Variants in STK33 observed in about 807,000 individuals in gnomAD.
The protein encoded by STK33 is serine/threonine kinase 33, also known as serine/threonine-protein kinase 33.
In STK33, 52 loss-of-function variants were observed where a neutral mutation model predicts 58.0. That is an observed-to-expected ratio of 0.90 (90% CI 0.72 to 1.13). STK33 has a LOEUF of 1.13. Ranked by LOEUF, STK33 falls within the 50% of genes most tolerant of loss-of-function variation. The pLI is 0.00. For missense variants in STK33, 630 were observed against 604.2 expected (o/e 1.04, Z -0.45); for synonymous variants, 215 against 200.1 (o/e 1.07, Z -0.63).
At chr11:8,452,613 A>C (rs549233916) in intron 11 of STK33, among the ~76,000 whole-genome samples, 4 of 151,922 alleles carry the variant, frequency 2.6e-5, no homozygotes, top group Admixed American at 2.6e-4. Flanking sequence ...TGAGACTGCT[A>C]TCTCTTAAAA....
At chr11:8,536,632 C>A (rs1402387184) in intron 1 of STK33, among the ~76,000 whole-genome samples, 1 of 152,200 alleles carries the variant, frequency 6.6e-6, no homozygotes. Flanking sequence ...AGAATTTAGT[C>A]AAGTCTGAAC....
At chr11:8,418,438 G>T (rs1221394750) in intron 14 of STK33, among the ~76,000 whole-genome samples, 2 of 152,148 alleles carry the variant, frequency 1.3e-5, no homozygotes, top group Non-Finnish European at 2.9e-5. Flanking sequence ...TTTTATGGCT[G>T]CATAGAATTC....
intron 1 of STK33, among the ~76,000 whole-genome samples, chr11:8,482,931 C>T (rs561877329): frequency 3.9e-5 from 6 of 151,974 alleles, no homozygotes; most frequent in African/African-American, 1.2e-4. Context: ...GGGGATTTCA[C>T]CATGTTAGCC....
At chr11:8,335,167 C>T in the STK33 span, among the ~76,000 whole-genome samples, 66 of 152,270 alleles carry the variant, frequency 4.3e-4, no homozygotes, top group Middle Eastern at 3.4e-3. Context: ...AGAAGTGCCT[C>T]GGGCTGAGGG....
At chr11:8,541,965 A>C (rs1955553889) in intron 1 of STK33, among the ~76,000 whole-genome samples, 1 of 152,224 alleles carries the variant, frequency 6.6e-6, no homozygotes, top group Admixed American at 6.5e-5. Context: ...GCAGCAGAGA[A>C]GCAAAGAGAA....
chr11:8,531,209 C>T (rs7107043), intron 1 of STK33, among the ~76,000 whole-genome samples: 152,314 of 152,316 alleles, frequency 1, 76,156 homozygotes, highest in Non-Finnish European at 1. Flanking sequence ...CCCCCAACTT[C>T]GCTTAAAGGA....
At chr11:8,534,024 C>T (rs1345970479) in intron 1 of STK33, among the ~76,000 whole-genome samples, 4 of 152,108 alleles carry the variant, frequency 2.6e-5, no homozygotes, top group African/African-American at 9.7e-5. Context: ...CCTGTAATTC[C>T]AGCACTTTGG....
intron 1 of STK33, among the ~76,000 whole-genome samples, chr11:8,534,530 ATT>A (rs1233159683): frequency 2.3e-5 from 3 of 128,742 alleles, no homozygotes; most frequent in Admixed American, 8.2e-5. Flanking sequence ...AAGTATATAT[ATT>A]TCTCTCTCTC....
the STK33 span, among the ~76,000 whole-genome samples, chr11:8,380,655 T>C: frequency 6.6e-6 from 1 of 151,682 alleles, no homozygotes; most frequent in African/African-American, 2.4e-5. Context: ...GGAATGTAAA[T>C]TAGTACGGCC....
intron 1 of STK33, among the ~76,000 whole-genome samples, chr11:8,570,838 T>C (rs79055540): frequency 0.067 from 10,183 of 152,226 alleles, 367 homozygotes; most frequent in Non-Finnish European, 0.071. Flanking sequence ...TTGTACACTT[T>C]AAGCATAGGT....
At chr11:8,575,682 C>T (rs1258326654) in intron 1 of STK33, among the ~76,000 whole-genome samples, 1 of 151,920 alleles carries the variant, frequency 6.6e-6, no homozygotes, top group African/African-American at 2.4e-5. Context: ...CAGCTAATGC[C>T]ACTGAATTGT....
At chr11:8,544,498 C>T (rs1409515644) in intron 1 of STK33, among the ~76,000 whole-genome samples, 1 of 150,970 alleles carries the variant, frequency 6.6e-6, no homozygotes. Flanking sequence ...TTCTTTATAG[C>T]TTTTTAAATT....
chr11:8,413,811 T>C (rs11041911), intron 14 of STK33, 119 bp from the exon 15 acceptor site: 2 of 910,276 alleles, frequency 2.2e-6, no homozygotes, highest in East Asian at 2.5e-5. Context: ...AAGATTATAA[T>C]GCTGAATAAA....
At chr11:8,369,057 CG>C in the STK33 span, among the ~76,000 whole-genome samples, 2 of 152,138 alleles carry the variant, frequency 1.3e-5, no homozygotes, top group Non-Finnish European at 2.9e-5. Context: ...ATACACATCT[CG>C]GTTCACTGCC....
chr11:8,367,588 G>C, the STK33 span, among the ~76,000 whole-genome samples: 1,195 of 152,334 alleles, frequency 7.8e-3, 11 homozygotes, highest in African/African-American at 0.02. Context: ...GAGTAGTAGA[G>C]AAGGGAAAGG....
chr11:8,384,661 G>A, the STK33 span, among the ~76,000 whole-genome samples: 4 of 152,294 alleles, frequency 2.6e-5, no homozygotes, highest in Non-Finnish European at 4.4e-5. Context: ...TAGAAAAAAC[G>A]CTGACGTATG....
chr11:8,494,715 C>G (rs1950911089), intron 1 of STK33, among the ~76,000 whole-genome samples: 1 of 152,156 alleles, frequency 6.6e-6, no homozygotes, highest in Non-Finnish European at 1.5e-5. Context: ...CTACAGTAAC[C>G]AAAACAGCCT....
chr11:8,554,440 A>G (rs1355413359), intron 1 of STK33, among the ~76,000 whole-genome samples: 1 of 148,148 alleles, frequency 6.8e-6, no homozygotes, highest in Non-Finnish European at 1.5e-5. Flanking sequence ...AAAAAAAAAG[A>G]GTGAATGACC....
intron 14 of STK33, among the ~76,000 whole-genome samples, chr11:8,426,474 AG>A (rs1942777820): frequency 6.6e-6 from 1 of 152,244 alleles, no homozygotes; most frequent in Middle Eastern, 3.4e-3. Flanking sequence ...GTCCTCACCT[AG>A]GTCTGTGGGC....
Sources: allele counts gnomAD v4.1 joint callset (sites outside exome capture counted in the v4.1 genomes callset), GRCh38; gene constraint gnomAD v4.1.1; transcripts MANE v1.5; gene names NCBI Gene and HGNC (gene_info 2026-07-23, HGNC 2026-07-21).